Variants in CLDN16 observed in about 807,000 individuals in gnomAD.
The protein encoded by CLDN16 is claudin 16, also known as claudin-16.
CLDN16 carries 13 observed loss-of-function variants against 24.6 expected under a neutral mutation model. That is an observed-to-expected ratio of 0.53 (90% CI 0.34 to 0.84). CLDN16 has a LOEUF of 0.84. Among genes scored for constraint, CLDN16 ranks in the 40% least tolerant of loss-of-function variants. The pLI is 0.01. For missense variants in CLDN16, 298 were observed against 292.7 expected, an observed-to-expected ratio of 1.02 and a Z score of -0.13; for synonymous variants, 116 against 106.7, an observed-to-expected ratio of 1.09 and a Z score of -0.54.
chr3:190,403,210 T>C (rs999076319), intron 2 of CLDN16, among the ~76,000 whole-genome samples: 17 of 151,982 alleles, frequency 1.1e-4, no homozygotes, highest in Admixed American at 5.2e-4. Flanking sequence ...TGGGAGCCTG[T>C]AGTTCCAGCT....
the CLDN16 span, among the ~76,000 whole-genome samples, chr3:190,316,243 C>T: frequency 5.3e-5 from 8 of 152,042 alleles, no homozygotes; most frequent in Admixed American, 3.3e-4. Flanking sequence ...TTTAAAATGT[C>T]GTTTTGCAAA....
chr3:190,342,200 A>G (rs1312220183), intron 1 of CLDN16, among the ~76,000 whole-genome samples: 1 of 152,140 alleles, frequency 6.6e-6, no homozygotes, highest in Non-Finnish European at 1.5e-5. Context: ...GCTGGTACCA[A>G]TTTACTGTAT....
the CLDN16 span, among the ~76,000 whole-genome samples, chr3:190,294,140 C>G: frequency 2.6e-5 from 4 of 152,132 alleles, no homozygotes; most frequent in South Asian, 2.1e-4. Flanking sequence ...GATTTTTCAG[C>G]TAGGGCAGAG....
At chr3:190,299,597 G>A in the CLDN16 span, among the ~76,000 whole-genome samples, 5 of 151,642 alleles carry the variant, frequency 3.3e-5, no homozygotes, top group African/African-American at 1.2e-4. Flanking sequence ...TAATTTTTGT[G>A]TATGGTATGG....
chr3:190,343,560 C>T (rs1486350907), intron 1 of CLDN16, among the ~76,000 whole-genome samples: 1 of 152,054 alleles, frequency 6.6e-6, no homozygotes, highest in Non-Finnish European at 1.5e-5. Context: ...CCTAGGTGTA[C>T]ATCAGTGGAT....
the CLDN16 span, among the ~76,000 whole-genome samples, chr3:190,309,902 C>G: frequency 6.3e-3 from 961 of 152,070 alleles, 15 homozygotes; most frequent in African/African-American, 0.021. Flanking sequence ...TTTGAAAAAA[C>G]AAACAAAAGA....
intron 4 of CLDN16, among the ~76,000 whole-genome samples, chr3:190,409,124 T>A (rs1408883932): frequency 1.3e-5 from 2 of 151,336 alleles, no homozygotes; most frequent in Non-Finnish European, 2.9e-5. Flanking sequence ...GAATTTTTAA[T>A]GGTAATTGGA....
intron 3 of CLDN16, 135 bp downstream of exon 3, chr3:190,405,061 T>A: frequency 1.2e-6 from 1 of 854,992 alleles, no homozygotes; most frequent in Non-Finnish European, 1.9e-6. Flanking sequence ...AAACTAAAGG[T>A]CACTTCTACC....
chr3:190,319,361 T>A (rs1716857049), upstream of CLDN16, among the ~76,000 whole-genome samples: 2 of 152,226 alleles, frequency 1.3e-5, no homozygotes, highest in Non-Finnish European at 2.9e-5. Flanking sequence ...TCAGCCATTA[T>A]AAAACTACAA....
intron 1 of CLDN16, among the ~76,000 whole-genome samples, chr3:190,397,809 T>C (rs1029149544): frequency 1.3e-5 from 2 of 152,226 alleles, no homozygotes; most frequent in African/African-American, 4.8e-5. Flanking sequence ...ATGAGCTCAT[T>C]GCTTTTCTAA....
chr3:190,409,108 CAATTGGAATTTTTAATGGT>C lies in CLDN16; in HGVS notation c.574+625_574+643del, dbSNP rs912422092. ...GTATTGTAATTCAGTTGCCCTTGAA[CAATTGGAATTTTTAATGGT>C]AATTGGAATTTTTAATGGTAACAGG... is the stretch of plus-strand genomic sequence containing the variant. On this transcript the variant is annotated intron_variant, in intron 4 of 4. Transcript: ENST00000264734. 4.0e-5 allele frequency among the ~76,000 whole-genome samples: 6 copies of C among 150,846 alleles called. No individual in the cohort carries two copies. In the East Asian group the frequency reaches 1.2e-3, roughly 30 times the overall value.
intron 1 of CLDN16, among the ~76,000 whole-genome samples, chr3:190,401,951 TTA>T (rs377031741): frequency 2.6e-5 from 4 of 151,206 alleles, no homozygotes; most frequent in Admixed American, 6.6e-5. Flanking sequence ...TCATCTATTG[TTA>T]TATATATATA....
the CLDN16 span, among the ~76,000 whole-genome samples, chr3:190,293,070 A>G: frequency 6.6e-6 from 1 of 152,170 alleles, no homozygotes; most frequent in Non-Finnish European, 1.5e-5. Context: ...AGAACTACGA[A>G]TTTTAAAGAA....
intron 1 of CLDN16, among the ~76,000 whole-genome samples, chr3:190,363,595 T>TATATA (rs1190539233): frequency 1.4e-5 from 2 of 139,524 alleles, no homozygotes; most frequent in Non-Finnish European, 3.1e-5. Context: ...TATATATATA[T>TATATA]ATTTTCTTTC....
intron 1 of CLDN16, among the ~76,000 whole-genome samples, chr3:190,326,560 G>A (rs1717066729): frequency 6.6e-6 from 1 of 152,132 alleles, no homozygotes. Context: ...TCTGAGGAGG[G>A]GTTGGCCAAG....
chr3:190,361,401 G>A (rs1488218156), intron 1 of CLDN16, among the ~76,000 whole-genome samples: 4 of 151,936 alleles, frequency 2.6e-5, no homozygotes, highest in Admixed American at 2.0e-4. Context: ...ATTCCTGAGC[G>A]TAGGCTGAAC....
At chr3:190,324,220 C>G (rs548400488) in intron 1 of CLDN16, among the ~76,000 whole-genome samples, 1 of 152,178 alleles carries the variant, frequency 6.6e-6, no homozygotes, top group Non-Finnish European at 1.5e-5. Context: ...CAGTGGCTCA[C>G]GCCTGTAATC....
intron 1 of CLDN16, among the ~76,000 whole-genome samples, chr3:190,401,848 C>G (rs754348595): frequency 8.4e-4 from 128 of 151,846 alleles, no homozygotes; most frequent in Non-Finnish European, 1.2e-3. Context: ...TTATAAACTT[C>G]ATATATAAAG....
upstream of CLDN16, among the ~76,000 whole-genome samples, chr3:190,319,241 A>G (rs1716854077): frequency 6.6e-6 from 1 of 152,216 alleles, no homozygotes. Flanking sequence ...AGGTGAATCA[A>G]GAAAAGTCTA....
Sources: gnomAD v4.1 joint callset for allele counts (sites outside exome capture counted in the v4.1 genomes callset) on GRCh38, gnomAD v4.1.1 for gene constraint, MANE v1.5 for transcripts, NCBI Gene and HGNC (gene_info 2026-07-23, HGNC 2026-07-21) for gene names.